GABBR2: variants seen among roughly 807,000 people sequenced by gnomAD.
GABBR2 encodes gamma-aminobutyric acid type B receptor subunit 2.
In GABBR2, 23 loss-of-function variants were observed where a neutral mutation model predicts 105.6. The ratio of observed to expected loss-of-function variants is 0.22; its 90% CI spans 0.16 to 0.31. The LOEUF (loss-of-function observed/expected upper bound fraction) is 0.31. GABBR2 is among the 10% of genes least tolerant of loss of function. The probability of loss-of-function intolerance (pLI) is 1.00; values close to 1 mark genes in which losing one functional copy is unlikely to be tolerated. For synonymous variants in GABBR2, 478 were observed against 499.7 expected, an observed-to-expected ratio of 0.96 and a Z score of 0.58; for missense variants, 734 against 1,245.5, an observed-to-expected ratio of 0.59 and a Z score of 6.18.
chr9:98,303,493 G>T, intron 15 of GABBR2, 70 bp from the exon 16 acceptor site: 2 of 1,355,960 alleles, frequency 1.5e-6, no homozygotes, highest in Non-Finnish European at 2.1e-6. Context: ...CCACATGGCA[G>T]ACTCTCCCAG....
intron 5 of GABBR2, among the ~76,000 whole-genome samples, chr9:98,478,885 G>A (rs558453186): frequency 2.2e-4 from 34 of 152,042 alleles, no homozygotes; most frequent in Non-Finnish European, 2.8e-4. Context: ...TTCCTCATTC[G>A]ATCAACACCA....
At chr9:98,507,782 G>A (rs1827543088) in intron 3 of GABBR2, among the ~76,000 whole-genome samples, 1 of 152,160 alleles carries the variant, frequency 6.6e-6, no homozygotes, top group Non-Finnish European at 1.5e-5. Context: ...TGAATGTCCT[G>A]ATATCTCACA....
At chr9:98,327,762 G>A (rs1302419505) in intron 13 of GABBR2, among the ~76,000 whole-genome samples, 2 of 151,666 alleles carry the variant, frequency 1.3e-5, no homozygotes, top group Admixed American at 6.6e-5. Context: ...CCAGCTACTC[G>A]GGAGGCTAAG....
intron 18 of GABBR2, 37 bp downstream of exon 18, chr9:98,293,748 C>G: frequency 8.8e-7 from 1 of 1,133,524 alleles, no homozygotes; most frequent in Non-Finnish European, 1.3e-6. Context: ...TGACGTATTT[C>G]TTCTTCAGTT....
chr9:98,338,373 T>C (rs1340671709), intron 13 of GABBR2, among the ~76,000 whole-genome samples: 1 of 152,176 alleles, frequency 6.6e-6, no homozygotes, highest in Non-Finnish European at 1.5e-5. Context: ...AAATTATATA[T>C]CTGACAAAGG....
At chr9:98,392,552 C>G (rs1234172453) in intron 9 of GABBR2, among the ~76,000 whole-genome samples, 2 of 152,138 alleles carry the variant, frequency 1.3e-5, no homozygotes, top group African/African-American at 4.8e-5. Flanking sequence ...TGGAGTTTTG[C>G]TTTGCAATGT....
intron 3 of GABBR2, among the ~76,000 whole-genome samples, chr9:98,521,354 A>G (rs2779574): frequency 0.49 from 73,815 of 151,954 alleles, 18,488 homozygotes; most frequent in East Asian, 0.76. Flanking sequence ...GACTGACCTC[A>G]CAGCCTCTGA....
intron 1 of GABBR2, among the ~76,000 whole-genome samples, chr9:98,655,071 G>A (rs547678890): frequency 2.5e-4 from 38 of 152,242 alleles, no homozygotes; most frequent in African/African-American, 8.7e-4. Flanking sequence ...TAAAAAGATC[G>A]GTGGTTGGGC....
Position 98,362,780 on chromosome 9 carries a change from A to T in GABBR2, c.1828T>A (p.Cys610Ser), listed in dbSNP as rs1456902468. ...IVGGMLLIDL[C>S]ILICWQAVDP... ...ACAGCCTGCCAGCAGATCAGGATACACAGGTCGATCAGCAGCATGCCCCCC... is the reference window on the plus strand; with the variant it reads ...ACAGCCTGCCAGCAGATCAGGATACTCAGGTCGATCAGCAGCATGCCCCCC... Residue 610 changes from cysteine (C) to serine (S), a missense_variant, in exon 13 of 19, where the codon TGT becomes AGT. Cys to Ser is a moderately radical substitution (Grantham distance 112, BLOSUM62 -1). This residue lies in a region of GABBR2 where 52 missense variants were observed against 81.3 expected (regional missense o/e 0.64). Coordinates refer to ENST00000259455, the MANE Select transcript of GABBR2 (RefSeq NM_005458.8). The T allele has an allele frequency of 1.2e-6, 2 of 1,605,338 alleles. No individual in the cohort carries two copies. The highest frequency in any genetic ancestry group is 1.7e-6 in the Non-Finnish European group (2 of 1,176,274).
Position 98,655,098 on chromosome 9 carries a change from G to A in GABBR2, c.321+53319C>T, listed in dbSNP as rs566169418. 5.3e-4 allele frequency among the ~76,000 whole-genome samples: 80 copies of A among 152,262 alleles called. 1 individual carries two copies. Among genetic ancestry groups the A allele is most frequent in the African/African-American group, 1.8e-3 (73 of 41,542 alleles). On this transcript the variant is annotated intron_variant, in intron 1 of 18. Coordinates refer to ENST00000259455, the MANE Select transcript of GABBR2 (RefSeq NM_005458.8). ...TGGTTGGGCAGGGATAAATAGGGGA[G>A]CACAGGGGACTTTTAGGGCCGTGAA... is the stretch of plus-strand genomic sequence containing the variant.
intron 7 of GABBR2, among the ~76,000 whole-genome samples, chr9:98,426,075 A>C (rs1825679926): frequency 6.6e-6 from 1 of 152,184 alleles, no homozygotes; most frequent in African/African-American, 2.4e-5. Flanking sequence ...GGAGCTCAGA[A>C]GGCTGGCACA....
Position 98,290,102 on chromosome 9 carries a change from C to T in GABBR2, c.*482G>A, listed in dbSNP as rs1830269498. 1 of 152,572 alleles carries T rather than the reference C, an allele frequency of 6.6e-6. No homozygotes were observed. Among genetic ancestry groups the T allele is most frequent in the Non-Finnish European group, 1.5e-5 (1 of 68,184 alleles). 9.5% of individuals were successfully genotyped at this position (152,572 alleles called of 1,614,324 possible). ...CAGCTGGGGGCCTGGTGGCCCTTCC[C>T]ACCTCCTCCCCCAGAGTGGAGAAGG... On this transcript the variant is annotated 3_prime_UTR_variant, in exon 19 of 19. Coordinates refer to ENST00000259455, the MANE Select transcript of GABBR2 (RefSeq NM_005458.8).
chr9:98,580,702 C>T lies in GABBR2; in HGVS notation c.322-2630G>A, dbSNP rs535108092. Among the ~76,000 whole-genome samples the T allele has an allele frequency of 2.2e-4, 34 of 152,254 alleles. 1 individual carries two copies. The highest frequency in any genetic ancestry group is 6.0e-4 in the African/African-American group (25 of 41,564). ...ACTCAGAAGGCTGAGGCAGGAGAAT[C>T]GCTTGAACCTGGGAGGCGGAGGTTG... On this transcript the variant is annotated intron_variant, in intron 1 of 18. Transcript: ENST00000259455.
chr9:98,460,905 GA>G (rs539145085), intron 6 of GABBR2, among the ~76,000 whole-genome samples: 6 of 151,948 alleles, frequency 3.9e-5, no homozygotes, highest in Non-Finnish European at 8.8e-5. Flanking sequence ...ATAACTAGAG[GA>G]AAAAAAGATG....
intron 11 of GABBR2, among the ~76,000 whole-genome samples, chr9:98,371,885 A>G (rs1357610096): frequency 6.6e-6 from 1 of 152,110 alleles, no homozygotes; most frequent in African/African-American, 2.4e-5. Flanking sequence ...CTGAGATACC[A>G]CCAAAAGGTG....
chr9:98,557,167 C>T (rs1026502419), intron 2 of GABBR2, among the ~76,000 whole-genome samples: 5 of 152,174 alleles, frequency 3.3e-5, no homozygotes, highest in Non-Finnish European at 7.3e-5. Flanking sequence ...CCTGCTCCCT[C>T]TCCACCTCTT....
intron 1 of GABBR2, among the ~76,000 whole-genome samples, chr9:98,608,530 G>A (rs996133872): frequency 6.6e-6 from 1 of 152,104 alleles, no homozygotes; most frequent in Non-Finnish European, 1.5e-5. Flanking sequence ...TGCAAACTAT[G>A]CTTCTCTATG....
chr9:98,359,093 G>C (rs970782595), intron 13 of GABBR2, among the ~76,000 whole-genome samples: 3 of 152,160 alleles, frequency 2.0e-5, no homozygotes, highest in Non-Finnish European at 4.4e-5. Flanking sequence ...AAAGCATTTA[G>C]AACAGTACCT....
chr9:98,420,356 C>T (rs955378045), intron 7 of GABBR2, among the ~76,000 whole-genome samples: 6 of 152,212 alleles, frequency 3.9e-5, no homozygotes, highest in East Asian at 1.9e-4. Flanking sequence ...CTGACTCTCC[C>T]GCCAGAGCCC....
Sources: allele counts gnomAD v4.1 joint callset (sites outside exome capture counted in the v4.1 genomes callset), GRCh38; gene constraint gnomAD v4.1.1; regional missense constraint gnomAD v4.1.1; transcripts MANE v1.5; gene names NCBI Gene and HGNC (gene_info 2026-07-23, HGNC 2026-07-21).